Variants in FGF14 observed in about 807,000 individuals in gnomAD.
The protein encoded by FGF14 is fibroblast growth factor 14.
Under a neutral mutation model 25.5 loss-of-function variants are expected in FGF14, and 5 were observed. The observed-to-expected ratio is 0.20, with a 90% confidence interval of 0.10 to 0.41. The LOEUF is 0.41. Among genes scored for constraint, FGF14 ranks in the 10% least tolerant of loss-of-function variants. The pLI is 1.00. For synonymous variants in FGF14, 138 were observed against 118.3 expected, an observed-to-expected ratio of 1.17 and a Z score of -1.08; for missense variants, 222 against 320.1, an observed-to-expected ratio of 0.69 and a Z score of 2.34.
rs1482940479 is a variant in FGF14 at position 101,943,828 on chromosome 13, T to TATATATATATATATATATATATACACAC, written c.209-68533_209-68532insGTGTGTATATATATATATATATATATAT. On this transcript the variant is annotated intron_variant, in intron 1 of 4. Coordinates refer to the FGF14 transcript ENST00000376131. Reference sequence around the variant, plus strand: ...GTCTCTACTTAAAAAAAAAAAAAAATATATATATATATATATTCACAAAAT... The same window carrying TATATATATATATATATATATATACACAC: ...GTCTCTACTTAAAAAAAAAAAAAAATATATATATATATATATATATATACACACATATATATATATATATTCACAAAAT... Among the ~76,000 whole-genome samples the TATATATATATATATATATATATACACAC allele has an allele frequency of 1.6e-3, 210 of 133,830 alleles. 1 individual carries two copies. Among genetic ancestry groups the TATATATATATATATATATATATACACAC allele is most frequent in the African/African-American group, 6.3e-3 (204 of 32,432 alleles). The allele number at this position is 133,830 out of a possible 152,430, so 87.8% of individuals were successfully genotyped here. A position where few individuals can be genotyped will look rare whatever the true frequency, so the allele number is the denominator to read the frequency against.
At chr13:101,874,399 T>C (rs1301670836) in intron 2 of FGF14, among the ~76,000 whole-genome samples, 2 of 152,048 alleles carry the variant, frequency 1.3e-5, no homozygotes, top group Non-Finnish European at 2.9e-5. Context: ...ATAAAAATAG[T>C]TTTGCTTTTC....
intron 1 of FGF14, among the ~76,000 whole-genome samples, chr13:102,149,519 T>G (rs1295776182): frequency 6.6e-6 from 1 of 152,184 alleles, no homozygotes; most frequent in African/African-American, 2.4e-5. Flanking sequence ...CGACCTGATA[T>G]ACACAGAGTA....
intron 1 of FGF14, among the ~76,000 whole-genome samples, chr13:102,216,063 G>A (rs1312526265): frequency 6.6e-6 from 1 of 152,208 alleles, no homozygotes; most frequent in African/African-American, 2.4e-5. Flanking sequence ...GGTGCATACA[G>A]TTAGGCAGTG....
chr13:102,256,371 C>T (rs531285816), intron 1 of FGF14, among the ~76,000 whole-genome samples: 1 of 152,000 alleles, frequency 6.6e-6, no homozygotes, highest in African/African-American at 2.4e-5. Flanking sequence ...TGGTGGGACA[C>T]ATTGTAGTCC....
chr13:101,820,994 C>T (rs1038716829), intron 3 of FGF14, among the ~76,000 whole-genome samples: 5 of 149,058 alleles, frequency 3.4e-5, no homozygotes, highest in South Asian at 2.2e-4. Context: ...GTCGCCCAGG[C>T]TGGAGTGCAG....
intron 1 of FGF14, among the ~76,000 whole-genome samples, chr13:102,390,082 G>C (rs1463502248): frequency 1.3e-5 from 2 of 152,110 alleles, no homozygotes; most frequent in Non-Finnish European, 2.9e-5. Flanking sequence ...GAGTGAAAAA[G>C]GCAAACTCAA....
At chr13:101,725,277 GT>G (rs200714136) in intron 4 of FGF14, among the ~76,000 whole-genome samples, 4 of 151,566 alleles carry the variant, frequency 2.6e-5, no homozygotes, top group Non-Finnish European at 5.9e-5. Context: ...TCATGGATGT[GT>G]TTTTTTTGGG....
intron 1 of FGF14, among the ~76,000 whole-genome samples, chr13:102,357,789 T>C (rs562034892): frequency 6.6e-6 from 1 of 152,176 alleles, no homozygotes; most frequent in Non-Finnish European, 1.5e-5. Flanking sequence ...TGAAAATGGG[T>C]TCACTGATTA....
chr13:101,976,962 T>C (rs1342123002), intron 1 of FGF14, among the ~76,000 whole-genome samples: 1 of 152,204 alleles, frequency 6.6e-6, no homozygotes, highest in African/African-American at 2.4e-5. Context: ...TTGTGAACCT[T>C]GGATAATATC....
intron 1 of FGF14, among the ~76,000 whole-genome samples, chr13:101,899,551 C>A (rs978254277): frequency 6.6e-6 from 1 of 151,676 alleles, no homozygotes; most frequent in Non-Finnish European, 1.5e-5. Flanking sequence ...AAAATAGCCA[C>A]CCTAAAGCAA....
At chr13:101,939,321 T>G (rs1223154850) in intron 1 of FGF14, among the ~76,000 whole-genome samples, 2 of 152,208 alleles carry the variant, frequency 1.3e-5, no homozygotes, top group East Asian at 3.9e-4. Context: ...ACGTTTAAAG[T>G]TACTAACAGC....
upstream of FGF14, among the ~76,000 whole-genome samples, chr13:101,918,350 T>C (rs1285483090): frequency 6.6e-6 from 1 of 152,204 alleles, no homozygotes; most frequent in Non-Finnish European, 1.5e-5. Context: ...TTTACACTGC[T>C]TTGCCTATCA....
chr13:101,887,853 A>G (rs1471281229), intron 1 of FGF14, among the ~76,000 whole-genome samples: 1 of 152,186 alleles, frequency 6.6e-6, no homozygotes, highest in Non-Finnish European at 1.5e-5. Flanking sequence ...CCCCAGAAAT[A>G]TGCACAATCT....
intron 1 of FGF14, among the ~76,000 whole-genome samples, chr13:102,369,917 A>T (rs2057826870): frequency 6.6e-6 from 1 of 152,162 alleles, no homozygotes; most frequent in South Asian, 2.1e-4. Flanking sequence ...CAAAGCTAAA[A>T]CTACGAATTC....
intron 1 of FGF14, among the ~76,000 whole-genome samples, chr13:101,908,231 A>G (rs1293616543): frequency 2.6e-5 from 4 of 152,180 alleles, no homozygotes; most frequent in African/African-American, 9.7e-5. Context: ...TCTTCAGCCA[A>G]ATTCAGCCTT....
Position 102,388,051 on chromosome 13 carries a change from ACTC to A in FGF14, c.208+13417_208+13419del, listed in dbSNP as rs1201063830. 5.3e-5 allele frequency among the ~76,000 whole-genome samples: 8 copies of A among 151,298 alleles called. No homozygotes were observed. In the East Asian group the frequency reaches 1.6e-3, roughly 30 times the overall value. Reference sequence around the variant, plus strand: ...GCCATAGGTAGTTTTTTGATCCTCAACTCCTCATCCTCCTCTCTTTCTCCACTC... The same window carrying A: ...GCCATAGGTAGTTTTTTGATCCTCAACTCATCCTCCTCTCTTTCTCCACTC... On this transcript the variant is annotated intron_variant, in intron 1 of 4. Coordinates refer to the FGF14 transcript ENST00000376131.
chr13:101,811,006 C>T (rs2041474057), intron 3 of FGF14, among the ~76,000 whole-genome samples: 1 of 151,500 alleles, frequency 6.6e-6, no homozygotes, highest in Non-Finnish European at 1.5e-5. Context: ...TTTCCATATG[C>T]ATCCTGCTCC....
At chr13:102,114,321 G>A (rs1246672226) in intron 1 of FGF14, among the ~76,000 whole-genome samples, 1 of 152,202 alleles carries the variant, frequency 6.6e-6, no homozygotes, top group Non-Finnish European at 1.5e-5. Flanking sequence ...CCCTTTATCA[G>A]ATACATGATT....
At chr13:102,198,237 A>G (rs1566807293) in intron 1 of FGF14, among the ~76,000 whole-genome samples, 1 of 152,218 alleles carries the variant, frequency 6.6e-6, no homozygotes, top group African/African-American at 2.4e-5. Flanking sequence ...GGCAAGAATC[A>G]GAGGAATAAA....
Sources: allele counts gnomAD v4.1 joint callset (sites outside exome capture counted in the v4.1 genomes callset), GRCh38; gene constraint gnomAD v4.1.1; transcripts MANE v1.5; gene names NCBI Gene and HGNC (gene_info 2026-07-23, HGNC 2026-07-21).